The following TUBGCP5 variants were observed in gnomAD, a reference collection of about 807,000 sequenced individuals.
TUBGCP5 encodes gamma-tubulin complex component 5.
A neutral mutation model predicts 134.7 loss-of-function variants in TUBGCP5; 98 were observed. That is an observed-to-expected ratio of 0.73 (90% CI 0.62 to 0.86). TUBGCP5 has a LOEUF of 0.86. Ranked by LOEUF, TUBGCP5 falls within the 40% of genes least tolerant of loss-of-function variation. The probability of loss-of-function intolerance (pLI) is 0.00; values close to 1 mark genes in which losing one functional copy is unlikely to be tolerated. For missense variants in TUBGCP5, 1,150 were observed against 1,244.8 expected (o/e 0.92, Z 1.15); for synonymous variants, 456 against 431.4 (o/e 1.06, Z -0.71).
chr15:22,998,688 C>T (rs1412613180), downstream of TUBGCP5, among the ~76,000 whole-genome samples: 1 of 151,898 alleles, frequency 6.6e-6, no homozygotes, highest in Non-Finnish European at 1.5e-5. Context: ...AATCTAGGCT[C>T]ACCGCAACCT....
rs866592104 is a variant in TUBGCP5 at position 23,039,461 on chromosome 15, C to T, written c.83G>A (p.Gly28Asp). The change falls in exon 1 of 23, where the codon GGC (glycine) becomes GAC (aspartate). Residue 28 changes from glycine (G) to aspartate (D), a missense_variant. Gly to Asp is a moderately conservative substitution (Grantham distance 94, BLOSUM62 -1). Transcript: ENST00000615383. The stretch of plus-strand genomic sequence containing the variant: ...GTTGGGGTCTGCCTCGTCCTGGAGG[C>T]CGGCGACACCCCGGACGAGCTCCCG... The part of the protein sequence containing the change: ...DVRELVRGVA[G>D]LQDEADPNFQ... 2 of 1,548,022 alleles carry T rather than the reference C, an allele frequency of 1.3e-6. No homozygotes were observed. Among genetic ancestry groups the T allele is most frequent in the East Asian group, 2.5e-5 (1 of 39,288 alleles).
Position 23,011,143 on chromosome 15 carries a change from T to G in TUBGCP5, c.1945A>C (p.Asn649His). ...DDVHDPLLAINFARMYLEQSD... is the reference protein window; with the variant it reads ...DDVHDPLLAIHFARMYLEQSD... ...GCAGGTGTGTCTCACCTTGCAAAGTTAATGGCAAGCAGTGGATCATGAACA... is the reference window on the plus strand; with the variant it reads ...GCAGGTGTGTCTCACCTTGCAAAGTGAATGGCAAGCAGTGGATCATGAACA... The change falls in exon 14 of 23, where the codon AAC (asparagine) becomes CAC (histidine). Residue 649 changes from asparagine to histidine, a missense_variant. Asn to His is a moderately conservative substitution (Grantham distance 68). Transcript: ENST00000615383. 6.2e-7 allele frequency: 1 copy of G among 1,614,062 alleles called. No homozygotes were observed. The highest frequency in any genetic ancestry group is 1.1e-5 in the South Asian group (1 of 91,070).
rs879318837 is a variant in TUBGCP5 at position 23,036,466 on chromosome 15, C to CT, written c.309+430dup. 4.8e-3 allele frequency among the ~76,000 whole-genome samples: 700 copies of CT among 146,468 alleles called. 7 individuals are homozygous for CT. The highest frequency in any genetic ancestry group is 7.4e-3 in the Non-Finnish European group (493 of 66,262). On this transcript the variant is annotated intron_variant, in intron 3 of 22. Transcript: ENST00000615383. ...AAACTATTAACAGTGAGGATAACAG[C>CT]TTTTTTTTTTTAAGTTCTGTGAATC...
At chr15:23,038,175 T>C (rs1216404000) in intron 1 of TUBGCP5, among the ~76,000 whole-genome samples, 1 of 152,224 alleles carries the variant, frequency 6.6e-6, no homozygotes, top group Admixed American at 6.5e-5. Flanking sequence ...GCATAGCCTA[T>C]GCAAAAAATG....
At chr15:22,996,347 T>G (rs1328796062), downstream of TUBGCP5, among the ~76,000 whole-genome samples, 3 of 151,902 alleles carry the variant, frequency 2.0e-5, no homozygotes, top group Admixed American at 6.6e-5. Context: ...TTGTGCTCAT[T>G]AAAAAAAATG....
chr15:23,013,065 T>C lies in TUBGCP5; in HGVS notation c.1757-1734A>G, dbSNP rs1188496964. 6.6e-6 allele frequency among the ~76,000 whole-genome samples: 1 copy of C among 151,998 alleles called. No individual in the cohort carries two copies. The highest frequency in any genetic ancestry group is 1.5e-5 in the Non-Finnish European group (1 of 68,002). ...TTGCAGTGAGCCGAGATCATGCCAC[T>C]GCACTCCAGTCGCCAGCAAGGTGGC... is the stretch of plus-strand genomic sequence containing the variant. On this transcript the variant is annotated intron_variant, in intron 13 of 22. Transcript: ENST00000615383. The surrounding 1 kb of genome is among the most constrained non-coding windows in gnomAD (Gnocchi z 4.5).
chr15:23,028,076 A>C (rs2066085769), intron 6 of TUBGCP5, among the ~76,000 whole-genome samples: 1 of 152,178 alleles, frequency 6.6e-6, no homozygotes, highest in South Asian at 2.1e-4. Flanking sequence ...AAACTAGACA[A>C]AGACAGGATA....
intron 23 of TUBGCP5, among the ~76,000 whole-genome samples, chr15:22,990,499 G>GAA (rs1215289176): frequency 1.3e-5 from 2 of 152,086 alleles, no homozygotes; most frequent in African/African-American, 4.8e-5. Flanking sequence ...GTAACAGGTA[G>GAA]AAAAACAAAT....
intron 23 of TUBGCP5, among the ~76,000 whole-genome samples, chr15:22,992,737 T>C (rs118151387): frequency 1.3e-5 from 2 of 152,196 alleles, no homozygotes; most frequent in African/African-American, 2.4e-5. Flanking sequence ...AATGTTGTTA[T>C]TGGAAATTGA....
chr15:23,032,834 A>C lies in TUBGCP5; in HGVS notation c.310-10T>G. 6.7e-7 allele frequency: 1 copy of C among 1,500,490 alleles called. No individual in the cohort carries two copies. The highest frequency in any genetic ancestry group is 1.4e-5 in the African/African-American group (1 of 70,986). 92.9% of individuals were successfully genotyped at this position (1,500,490 alleles called of 1,614,324 possible). On this transcript the variant is annotated splice_polypyrimidine_tract_variant and intron_variant, in intron 3 of 22. Transcript: ENST00000615383. ...AATAATGTGCATCTGTCTTTAAAAC[A>C]AAAAAAAGAACATAAATCTCTGAGG...
intron 6 of TUBGCP5, among the ~76,000 whole-genome samples, chr15:23,027,795 T>C (rs2066064410): frequency 6.7e-6 from 1 of 149,682 alleles, no homozygotes; most frequent in Admixed American, 6.7e-5. Context: ...AAACGCATAC[T>C]AAATTTAATT....
At chr15:23,019,432 C>A (rs906112376) in intron 11 of TUBGCP5, 98 bp from the exon 12 acceptor site, 15 of 759,212 alleles carry the variant, frequency 2.0e-5, no homozygotes, top group Non-Finnish European at 3.4e-5. Context: ...AAAAAGTGAT[C>A]GGATTTCTAT....
downstream of TUBGCP5, among the ~76,000 whole-genome samples, chr15:22,994,850 C>T (rs1442819841): frequency 2.0e-5 from 3 of 152,162 alleles, no homozygotes; most frequent in Non-Finnish European, 4.4e-5. Context: ...CACGGTGGCT[C>T]ACGCCTGTAA....
At chr15:22,984,659 G>C (rs780727859) in intron 23 of TUBGCP5, among the ~76,000 whole-genome samples, 11 of 152,000 alleles carry the variant, frequency 7.2e-5, no homozygotes, top group Non-Finnish European at 1.2e-4. Flanking sequence ...AATGGTGCTA[G>C]AATAACTGCA....
chr15:23,038,705 G>C (rs1171679891), intron 1 of TUBGCP5, among the ~76,000 whole-genome samples: 2 of 152,104 alleles, frequency 1.3e-5, no homozygotes, highest in East Asian at 3.9e-4. Context: ...ATTTCATTAT[G>C]GGTAATGACT....
At chr15:23,003,292 G>A (rs544423500) in intron 20 of TUBGCP5, 139 bp from the exon 21 acceptor site, 2 of 730,196 alleles carry the variant, frequency 2.7e-6, no homozygotes, top group South Asian at 3.8e-5. Context: ...AAGGGTACTA[G>A]GCTCTGAACC....
Position 23,031,987 on chromosome 15 carries a change from T to C in TUBGCP5, c.449A>G (p.Asp150Gly), listed in dbSNP as rs1226966097. ...DFDWGKYLME[D>G]EEMDIGPYMD... ...GTACGGACCAATGTCCATTTCTTCA[T>C]CTTCCATCAAGTATTTTCCCCAGTC... The change falls in exon 5 of 23, where the codon GAT becomes GGT. Residue 150 changes from aspartate (D) to glycine (G), a missense_variant. By Grantham distance (94) the Asp-to-Gly change is moderately conservative (BLOSUM62 -1). Transcript: ENST00000615383. The C allele has an allele frequency of 5.0e-6, 8 of 1,612,748 alleles. No individual in the cohort carries two copies. Among genetic ancestry groups the C allele is most frequent in the Non-Finnish European group, 6.8e-6 (8 of 1,179,284 alleles).
chr15:22,998,251 G>A (rs2064185701), downstream of TUBGCP5, among the ~76,000 whole-genome samples: 1 of 152,122 alleles, frequency 6.6e-6, no homozygotes. Flanking sequence ...GGAGGCAGAG[G>A]TTGTAGTGAG....
chr15:22,997,281 G>A (rs2064131322), downstream of TUBGCP5, among the ~76,000 whole-genome samples: 2 of 151,742 alleles, frequency 1.3e-5, no homozygotes, highest in African/African-American at 2.4e-5. Context: ...CCAGGTTCAA[G>A]CGATTCTCCT....
Sources: allele counts gnomAD v4.1 joint callset (sites outside exome capture counted in the v4.1 genomes callset), GRCh38; gene constraint gnomAD v4.1.1; non-coding constraint Gnocchi (gnomAD v3.1); transcripts MANE v1.5; gene names NCBI Gene and HGNC (gene_info 2026-07-23, HGNC 2026-07-21).